SIPA1L3: variants seen among roughly 807,000 people sequenced by gnomAD.
The protein encoded by SIPA1L3 is signal-induced proliferation-associated 1-like protein 3.
In SIPA1L3, 59 loss-of-function variants were observed where a neutral mutation model predicts 150.1. The observed-to-expected ratio is 0.39, with a 90% CI of 0.32 to 0.49. SIPA1L3 has a LOEUF of 0.49. Among genes scored for constraint, SIPA1L3 ranks in the 20% least tolerant of loss-of-function variants. The probability of loss-of-function intolerance (pLI) is 0.86; values close to 1 mark genes in which losing one functional copy is unlikely to be tolerated. For missense variants in SIPA1L3, 2,211 were observed against 2,489.5 expected (o/e 0.89, Z 2.38); for synonymous variants, 1,070 against 1,077.6 (o/e 0.99, Z 0.14).
chr19:38,095,502 T>G (rs989859276), intron 4 of SIPA1L3, among the ~76,000 whole-genome samples: 5 of 152,216 alleles, frequency 3.3e-5, no homozygotes, highest in African/African-American at 1.2e-4. Context: ...TGGAACCTCC[T>G]TGTTTGCATG....
intron 9 of SIPA1L3, 94 bp from the exon 10 acceptor site, chr19:38,130,404 G>A (rs1971277313): frequency 2.2e-6 from 3 of 1,374,092 alleles, no homozygotes; most frequent in Admixed American, 2.0e-5. Context: ...GAGTTGGCAG[G>A]TTTTTGGCTT....
chr19:38,022,220 A>G (rs1968386959), intron 1 of SIPA1L3, among the ~76,000 whole-genome samples: 1 of 152,210 alleles, frequency 6.6e-6, no homozygotes, highest in South Asian at 2.1e-4. Context: ...ATCATAGTAC[A>G]ACCTACTTCA....
intron 18 of SIPA1L3, among the ~76,000 whole-genome samples, chr19:38,197,154 C>T (rs1972976496): frequency 6.6e-6 from 1 of 152,100 alleles, no homozygotes; most frequent in African/African-American, 2.4e-5. Flanking sequence ...CACAGTGAGG[C>T]TGTGAGATGA....
At position 38,032,325 on chromosome 19, in the gene SIPA1L3, A is replaced by T. The variant is rs1418819392; in HGVS notation, c.-311+3169A>T. 1.4e-4 allele frequency among the ~76,000 whole-genome samples: 21 copies of T among 152,212 alleles called. 1 individual carries two copies. Among genetic ancestry groups the T allele is most frequent in the Admixed American group, 1.4e-3 (21 of 15,276 alleles). ...GCATTGCCTCTCACACAGCAGGAAG[A>T]ACGGCACTTTTCCTACGTGGTAACC... is the stretch of plus-strand genomic sequence containing the variant. On this transcript the variant is annotated intron_variant, in intron 2 of 21. Coordinates refer to ENST00000222345, the MANE Select transcript of SIPA1L3 (RefSeq NM_015073.3).
intron 1 of SIPA1L3, among the ~76,000 whole-genome samples, chr19:37,914,354 T>C (rs1298220779): frequency 6.6e-6 from 1 of 150,942 alleles, no homozygotes; most frequent in Non-Finnish European, 1.5e-5. Context: ...ATTCCTAGTT[T>C]TCAAGTTGAT....
intron 1 of SIPA1L3, among the ~76,000 whole-genome samples, chr19:37,945,097 A>G (rs2046698271): frequency 6.6e-6 from 1 of 152,244 alleles, no homozygotes; most frequent in Non-Finnish European, 1.5e-5. Flanking sequence ...ATTTTATAGT[A>G]AAGTGCTGAG....
chr19:38,203,250 C>T (rs1226956805), intron 20 of SIPA1L3, among the ~76,000 whole-genome samples: 3 of 152,192 alleles, frequency 2.0e-5, no homozygotes, highest in South Asian at 2.1e-4. Context: ...TGGGAAGCAG[C>T]GGGACCTGTG....
chr19:38,102,132 C>T (rs552149048), intron 6 of SIPA1L3, among the ~76,000 whole-genome samples: 15 of 151,124 alleles, frequency 9.9e-5, no homozygotes, highest in East Asian at 2.0e-4. Flanking sequence ...CTGCAACCTC[C>T]GCCTCCTAGG....
chr19:38,119,547 A>G lies in SIPA1L3; in HGVS notation c.2533A>G (p.Asn845Asp), dbSNP rs774489572. 1.2e-6 allele frequency: 2 copies of G among 1,614,172 alleles called. No individual in the cohort carries two copies. The highest frequency in any genetic ancestry group is 1.7e-6 in the Non-Finnish European group (2 of 1,180,036). ...NTPIDSTGKF[N>D]LISLTSKKKE... is the part of the protein sequence containing the mutation. ...CCCCATCGACTCCACCGGCAAATTCAACCTCATCTCCCTGACCTCCAAGAA... is the reference window on the plus strand; with the variant it reads ...CCCCATCGACTCCACCGGCAAATTCGACCTCATCTCCCTGACCTCCAAGAA... The change falls in exon 9 of 22, where the codon AAC (asparagine) becomes GAC (aspartate). Residue 845 changes from asparagine to aspartate, a missense_variant. By Grantham distance (23) the Asn-to-Asp change is conservative. Around this residue, in one of 5 missense-constraint regions of SIPA1L3, gnomAD observed 625 missense variants for 804.2 expected, o/e 0.78. Transcript: ENST00000222345.
chr19:37,992,872 G>C (rs1967546015), intron 1 of SIPA1L3, among the ~76,000 whole-genome samples: 1 of 152,302 alleles, frequency 6.6e-6, no homozygotes, highest in Admixed American at 6.5e-5. Flanking sequence ...GGCTTTGGGA[G>C]GCTCCATTCA....
At chr19:38,110,943 A>G (rs1478492154) in intron 8 of SIPA1L3, among the ~76,000 whole-genome samples, 4 of 124,542 alleles carry the variant, frequency 3.2e-5, no homozygotes, top group African/African-American at 1.1e-4. Context: ...GGCCCAGAGG[A>G]AAGTCGGAGG....
chr19:38,152,998 C>A, intron 13 of SIPA1L3, 31 bp downstream of exon 13: 1 of 1,604,952 alleles, frequency 6.2e-7, no homozygotes, highest in South Asian at 1.1e-5. Flanking sequence ...TGCGCCCACC[C>A]GCCTGCCTCA....
Position 37,997,851 on chromosome 19 carries a change from C to T in SIPA1L3, c.-378-31238C>T, listed in dbSNP as rs1301168985. Among the ~76,000 whole-genome samples, 23 of 141,008 alleles carry T rather than the reference C, an allele frequency of 1.6e-4. 1 individual carries two copies. The East Asian group carries it at 3.4e-3, about 21-fold the overall frequency. The allele number at this position is 141,008 out of a possible 152,430, so 92.5% of individuals were successfully genotyped here. Reference sequence around the variant, plus strand: ...ACTTCACTCCAGCCTGACGACAGAGCGAGACTCCATCTCAAAAAAAAAAAA... The same window carrying T: ...ACTTCACTCCAGCCTGACGACAGAGTGAGACTCCATCTCAAAAAAAAAAAA... On this transcript the variant is annotated intron_variant, in intron 1 of 21. Coordinates refer to ENST00000222345, the MANE Select transcript of SIPA1L3 (RefSeq NM_015073.3).
At chr19:38,020,872 A>G (rs1968359000) in intron 1 of SIPA1L3, among the ~76,000 whole-genome samples, 2 of 151,914 alleles carry the variant, frequency 1.3e-5, no homozygotes, top group South Asian at 2.1e-4. Context: ...CAGTGGCACT[A>G]TCTTGGCTCA....
intron 9 of SIPA1L3, among the ~76,000 whole-genome samples, chr19:38,124,073 CG>C (rs1971105644): frequency 6.6e-6 from 1 of 150,470 alleles, no homozygotes; most frequent in Non-Finnish European, 1.5e-5. Context: ...CCTCACCTCC[CG>C]GACGGGGCGG....
intron 1 of SIPA1L3, among the ~76,000 whole-genome samples, chr19:37,922,146 A>C (rs1469469947): frequency 1.3e-5 from 2 of 151,874 alleles, no homozygotes; most frequent in African/African-American, 4.8e-5. Context: ...GTGAACTGGT[A>C]CAATCTCAGC....
At chr19:38,006,532 G>A (rs892631154) in intron 1 of SIPA1L3, among the ~76,000 whole-genome samples, 2 of 152,172 alleles carry the variant, frequency 1.3e-5, no homozygotes, top group African/African-American at 4.8e-5. Flanking sequence ...CAGGAAATGC[G>A]TCTCAGACAC....
In SIPA1L3 at chr19:38,206,344, C is replaced by T. The variant is rs1410078074; in HGVS notation, c.*104C>T. ...AGCTGCCGGTGTGACCAAGATGACC[C>T]ATCCAGGGCCCTCCCCATGGACACG... is the stretch of plus-strand genomic sequence containing the variant. On this transcript the variant is annotated 3_prime_UTR_variant, in exon 22 of 22. Transcript: ENST00000222345. The T allele has an allele frequency of 7.5e-7, 1 of 1,336,664 alleles. No homozygotes were observed. Among genetic ancestry groups the T allele is most frequent in the East Asian group, 2.6e-5 (1 of 38,304 alleles). The allele number at this position is 1,336,664 out of a possible 1,614,324, so 82.8% of individuals were successfully genotyped here.
chr19:38,053,785 C>T (rs571180436), intron 2 of SIPA1L3, among the ~76,000 whole-genome samples: 5 of 151,990 alleles, frequency 3.3e-5, no homozygotes, highest in Non-Finnish European at 7.4e-5. Flanking sequence ...AGGCTGGTCT[C>T]GAACTCCTGG....
Sources: allele counts gnomAD v4.1 joint callset (sites outside exome capture counted in the v4.1 genomes callset), GRCh38; gene constraint gnomAD v4.1.1; regional missense constraint gnomAD v4.1.1; transcripts MANE v1.5; gene names NCBI Gene and HGNC (gene_info 2026-07-23, HGNC 2026-07-21).